The following WNT1 variants were observed in gnomAD, a reference collection of about 807,000 sequenced individuals.
The protein encoded by WNT1 is Wnt family member 1.
WNT1 carries 10 observed loss-of-function variants against 21.3 expected under a neutral mutation model. The observed-to-expected ratio is 0.47, with a 90% CI of 0.29 to 0.80. WNT1 has a LOEUF of 0.80. Ranked by LOEUF, WNT1 falls within the 30% of genes least tolerant of loss-of-function variation. The pLI is 0.09. For synonymous variants in WNT1, 208 were observed against 236.3 expected (o/e 0.88, Z 1.10); for missense variants, 476 against 534.1 (o/e 0.89, Z 1.07).
At position 48,982,617 on chromosome 12, in the gene WNT1, A is replaced by G. The variant is rs1242093715; in HGVS notation, c.*977A>G. Reference sequence around the variant, plus strand: ...CAGAATAAAATCTCTATTTTTATCGATGACTTGGTGGCTTTTCCTTGAATC... The same window carrying G: ...CAGAATAAAATCTCTATTTTTATCGGTGACTTGGTGGCTTTTCCTTGAATC... On this transcript the variant is annotated 3_prime_UTR_variant, in exon 4 of 4. Transcript: ENST00000293549. Among the ~76,000 whole-genome samples, 1 of 152,144 alleles carries G rather than the reference A, an allele frequency of 6.6e-6. No individual in the cohort carries two copies. Among genetic ancestry groups the G allele is most frequent in the East Asian group, 1.9e-4 (1 of 5,182 alleles).
rs750451481 is a variant in WNT1, at chr12:48,979,461, C to T, written c.105-7C>T. 6.3e-7 allele frequency: 1 copy of T among 1,597,822 alleles called. No homozygotes were observed. The highest frequency in any genetic ancestry group is 8.6e-7 in the Non-Finnish European group (1 of 1,167,834). Reference sequence around the variant, plus strand: ...TCCTGAGCCTGAGCTATCATACGTCCCACCAGGGGTATTGTGAACGTAGCC... The same window carrying T: ...TCCTGAGCCTGAGCTATCATACGTCTCACCAGGGGTATTGTGAACGTAGCC... On this transcript the variant is annotated splice_polypyrimidine_tract_variant and splice_region_variant and intron_variant, in intron 1 of 3. Transcript: ENST00000293549. The surrounding 1 kb of genome is among the most constrained non-coding windows in gnomAD (Gnocchi z 6.0).
Position 48,979,406 on chromosome 12 carries a change from C to G in WNT1, c.105-62C>G. 3 of 1,532,080 alleles carry G rather than the reference C, an allele frequency of 2.0e-6. No individual in the cohort carries two copies. The highest frequency in any genetic ancestry group is 2.5e-5 in the South Asian group (2 of 81,548). 94.9% of individuals were successfully genotyped at this position (1,532,080 alleles called of 1,614,324 possible). A position where few individuals can be genotyped will look rare whatever the true frequency, so the allele number is the denominator to read the frequency against. ...CCCCCAGGAAGAGGACCGGGTGGCA[C>G]AGTTTTTATGGTTAGGGTGCGGATC... On this transcript the variant is annotated intron_variant, in intron 1 of 3. Coordinates refer to ENST00000293549, the MANE Select transcript of WNT1 (RefSeq NM_005430.4). This position sits in a 1 kb window ranked among gnomAD's most constrained non-coding sequence, Gnocchi z 6.0.
At position 48,978,511 on chromosome 12, in the gene WNT1, C is replaced by A; in HGVS notation, c.-140C>A. 1.5e-6 allele frequency: 1 copy of A among 657,250 alleles called. No individual in the cohort carries two copies. Among genetic ancestry groups the A allele is most frequent in the Non-Finnish European group, 2.7e-6 (1 of 374,656 alleles). 40.7% of individuals were successfully genotyped at this position (657,250 alleles called of 1,614,324 possible). A position where few individuals can be genotyped will look rare whatever the true frequency, so the allele number is the denominator to read the frequency against. On this transcript the variant is annotated 5_prime_UTR_variant, in exon 1 of 4. Coordinates refer to ENST00000293549, the MANE Select transcript of WNT1 (RefSeq NM_005430.4). The surrounding 1 kb of genome is among the most constrained non-coding windows in gnomAD (Gnocchi z 7.4). ...CAGCCGGGACCGCGAGCCATGCTGT[C>A]CGCCGCCCGCCCCCAGGGTTGTTAA...
chr12:48,981,148 G>T lies in WNT1; in HGVS notation c.625-4G>T, dbSNP rs1399188514. On this transcript the variant is annotated splice_polypyrimidine_tract_variant and splice_region_variant and intron_variant, in intron 3 of 3. Transcript: ENST00000293549. The surrounding 1 kb of genome is among the most constrained non-coding windows in gnomAD (Gnocchi z 7.4). ...GGACACTCTTTCTTCCCCTATCCCC[G>T]CAGACCGTATTCTCCGAGATGCGCC... 6.2e-7 allele frequency: 1 copy of T among 1,610,900 alleles called. No individual in the cohort carries two copies.
Position 48,979,175 on chromosome 12 carries a change from G to T in WNT1, c.105-293G>T, listed in dbSNP as rs951395821. On this transcript the variant is annotated intron_variant, in intron 1 of 3. Transcript: ENST00000293549. This position sits in a 1 kb window ranked among gnomAD's most constrained non-coding sequence, Gnocchi z 6.0. ...AAGAACTGCAGGCCATGATTATCTC[G>T]CTCAGGCTGACCGGAAGAGGCTCGG... Among the ~76,000 whole-genome samples the T allele has an allele frequency of 2.2e-4, 34 of 152,300 alleles. No homozygotes were observed. The highest frequency in any genetic ancestry group is 7.9e-4 in the African/African-American group (33 of 41,564).
Position 48,980,685 on chromosome 12 carries a change from G to A in WNT1, c.620G>A (p.Arg207His), listed in dbSNP as rs776953968. 1.3e-6 allele frequency: 2 copies of A among 1,544,996 alleles called. No homozygotes were observed. Among genetic ancestry groups the A allele is most frequent in the East Asian group, 2.3e-5 (1 of 44,144 alleles). ...AACCTTCACAACAACGAGGCAGGCC[G>A]TACGGTGAGCTTTGAGAGGCTCCGC... The part of the protein sequence containing the change: ...LMNLHNNEAG[R>H]TTVFSEMRQE... Residue 207 changes from arginine to histidine, a missense_variant, in exon 3 of 4, where the codon CGT becomes CAT. Coordinates refer to ENST00000293549, the MANE Select transcript of WNT1 (RefSeq NM_005430.4). The surrounding 1 kb of genome is among the most constrained non-coding windows in gnomAD (Gnocchi z 7.0).
rs374180330 is a variant in WNT1, at chr12:48,978,797, G to A, written c.104+43G>A. 3 of 1,414,102 alleles carry A rather than the reference G, an allele frequency of 2.1e-6. No homozygotes were observed. Among genetic ancestry groups the A allele is most frequent in the Non-Finnish European group, 2.9e-6 (3 of 1,032,322 alleles). The allele number at this position is 1,414,102 out of a possible 1,614,324, so 87.6% of individuals were successfully genotyped here. ...GGGTCGCCACTTGTCCCGCGGCACAGAGCCAGGGGCCAACCCTACCCAGCT... is the reference window on the plus strand; with the variant it reads ...GGGTCGCCACTTGTCCCGCGGCACAAAGCCAGGGGCCAACCCTACCCAGCT... On this transcript the variant is annotated intron_variant, in intron 1 of 3. Coordinates refer to ENST00000293549, the MANE Select transcript of WNT1 (RefSeq NM_005430.4). The surrounding 1 kb of genome is among the most constrained non-coding windows in gnomAD (Gnocchi z 7.4).
At position 48,982,533 on chromosome 12, in the gene WNT1, T is replaced by A. The variant is rs1039723297; in HGVS notation, c.*893T>A. Among the ~76,000 whole-genome samples the A allele has an allele frequency of 5.3e-5, 8 of 152,148 alleles. No homozygotes were observed. On this transcript the variant is annotated 3_prime_UTR_variant, in exon 4 of 4. Coordinates refer to ENST00000293549, the MANE Select transcript of WNT1 (RefSeq NM_005430.4). The stretch of plus-strand genomic sequence containing the variant: ...TGCGTTTGCCTCCTGGAATCAGTAT[T>A]TCCTTCCACTGTAGCTATTAGCGGC...
In WNT1 at chr12:48,980,517, G is replaced by C; in HGVS notation, c.452G>C (p.Cys151Ser). ...TGCTCAGAAGGTTCCATCGAATCCTGCACGTGTGACTACCGGCGGCGCGGC... is the reference window on the plus strand; with the variant it reads ...TGCTCAGAAGGTTCCATCGAATCCTCCACGTGTGACTACCGGCGGCGCGGC... ...RSCSEGSIES[C>S]TCDYRRRGPG... The change falls in exon 3 of 4, where the codon TGC (cysteine) becomes TCC (serine). Residue 151 changes from cysteine (C) to serine (S), a missense_variant. By Grantham distance (112) the Cys-to-Ser change is moderately radical (BLOSUM62 -1). Transcript: ENST00000293549. This position sits in a 1 kb window ranked among gnomAD's most constrained non-coding sequence, Gnocchi z 7.0. The C allele has an allele frequency of 6.2e-7, 1 of 1,614,164 alleles. No homozygotes were observed.
chr12:48,978,795 C>T lies in WNT1; in HGVS notation c.104+41C>T. ...CGGGGTCGCCACTTGTCCCGCGGCA[C>T]AGAGCCAGGGGCCAACCCTACCCAG... On this transcript the variant is annotated intron_variant, in intron 1 of 3. Coordinates refer to ENST00000293549, the MANE Select transcript of WNT1 (RefSeq NM_005430.4). This position sits in a 1 kb window ranked among gnomAD's most constrained non-coding sequence, Gnocchi z 7.4. The T allele has an allele frequency of 1.4e-6, 2 of 1,436,936 alleles. No individual in the cohort carries two copies. The highest frequency in any genetic ancestry group is 1.9e-6 in the Non-Finnish European group (2 of 1,051,088). The allele number at this position is 1,436,936 out of a possible 1,614,324, so 89.0% of individuals were successfully genotyped here.
chr12:48,981,230 C>A lies in WNT1; in HGVS notation c.703C>A (p.Arg235=). The part of the protein sequence containing the change: ...GSCTVRTCWM[R]LPTLRAVGDV... ...ATGCACGGTGCGCACGTGCTGGATG[C>A]GGCTGCCCACGCTGCGCGCCGTGGG... Residue 235 remains arginine, a synonymous_variant, in exon 4 of 4, where the codon CGG becomes AGG. Transcript: ENST00000293549. The surrounding 1 kb of genome is among the most constrained non-coding windows in gnomAD (Gnocchi z 7.4). The A allele has an allele frequency of 1.9e-6, 3 of 1,610,290 alleles. No individual in the cohort carries two copies. Among genetic ancestry groups the A allele is most frequent in the Non-Finnish European group, 8.5e-7 (1 of 1,178,612 alleles).
Position 48,978,717 on chromosome 12 carries a change from C to A in WNT1, c.67C>A (p.Pro23Thr). Residue 23 changes from proline (P) to threonine (T), a missense_variant, in exon 1 of 4, where the codon CCC (proline) becomes ACC (threonine). Physicochemically the swap from Pro to Thr is conservative, Grantham distance 38 (BLOSUM62 -1). Transcript: ENST00000293549. The surrounding 1 kb of genome is among the most constrained non-coding windows in gnomAD (Gnocchi z 7.4). ...ATLLLALAALPAALAANSSGR... is the reference protein window; with the variant it reads ...ATLLLALAALTAALAANSSGR... Reference sequence around the variant, plus strand: ...GCTGCTGCTGGCGCTGGCCGCTCTGCCCGCAGCCCTGGCTGCCAACAGCAG... The same window carrying A: ...GCTGCTGCTGGCGCTGGCCGCTCTGACCGCAGCCCTGGCTGCCAACAGCAG... The A allele has an allele frequency of 6.2e-7, 1 of 1,603,750 alleles. No homozygotes were observed. The highest frequency in any genetic ancestry group is 8.5e-7 in the Non-Finnish European group (1 of 1,178,474).
Position 48,981,764 on chromosome 12 carries a change from T to C in WNT1, c.*124T>C. On this transcript the variant is annotated 3_prime_UTR_variant, in exon 4 of 4. Coordinates refer to ENST00000293549, the MANE Select transcript of WNT1 (RefSeq NM_005430.4). The surrounding 1 kb of genome is among the most constrained non-coding windows in gnomAD (Gnocchi z 7.4). ...CTCCAGTCACACTCCCCGCGGTTCA[T>C]ACGCATCCCATCTCTCCCACTTCCT... 3 of 1,292,768 alleles carry C rather than the reference T, an allele frequency of 2.3e-6. No individual in the cohort carries two copies. Among genetic ancestry groups the C allele is most frequent in the Non-Finnish European group, 3.0e-6 (3 of 988,934 alleles). 80.1% of individuals were successfully genotyped at this position (1,292,768 alleles called of 1,614,324 possible). A position where few individuals can be genotyped will look rare whatever the true frequency, so the allele number is the denominator to read the frequency against.
chr12:48,978,716 G>A lies in WNT1; in HGVS notation c.66G>A (p.Leu22=). Residue 22 remains leucine, a synonymous_variant, in exon 1 of 4, where the codon CTG becomes CTA. Coordinates refer to ENST00000293549, the MANE Select transcript of WNT1 (RefSeq NM_005430.4). This position sits in a 1 kb window ranked among gnomAD's most constrained non-coding sequence, Gnocchi z 7.4. ...CGCTGCTGCTGGCGCTGGCCGCTCTGCCCGCAGCCCTGGCTGCCAACAGCA... is the reference window on the plus strand; with the variant it reads ...CGCTGCTGCTGGCGCTGGCCGCTCTACCCGCAGCCCTGGCTGCCAACAGCA... The part of the protein sequence containing the change: ...SATLLLALAA[L]PAALAANSSG... 1 of 1,603,726 alleles carries A rather than the reference G, an allele frequency of 6.2e-7. No individual in the cohort carries two copies.
Position 48,980,465 on chromosome 12 carries a change from G to C in WNT1, c.400G>C (p.Gly134Arg). 6.2e-7 allele frequency: 1 copy of C among 1,614,208 alleles called. No homozygotes were observed. The highest frequency in any genetic ancestry group is 8.5e-7 in the Non-Finnish European group (1 of 1,180,030). Reference sequence around the variant, plus strand: ...GTTTATCTTCGCTATCACCTCCGCCGGGGTCACCCATTCGGTGGCGCGCTC... The same window carrying C: ...GTTTATCTTCGCTATCACCTCCGCCCGGGTCACCCATTCGGTGGCGCGCTC... ...TAFIFAITSA[G>R]VTHSVARSCS... The change falls in exon 3 of 4, where the codon GGG becomes CGG. Residue 134 changes from glycine to arginine, a missense_variant. Coordinates refer to ENST00000293549, the MANE Select transcript of WNT1 (RefSeq NM_005430.4). This position sits in a 1 kb window ranked among gnomAD's most constrained non-coding sequence, Gnocchi z 7.0.
In WNT1 at chr12:48,979,355, C is replaced by A; in HGVS notation, c.105-113C>A. 1 of 1,346,422 alleles carries A rather than the reference C, an allele frequency of 7.4e-7. No homozygotes were observed. Among genetic ancestry groups the A allele is most frequent in the African/African-American group, 1.5e-5 (1 of 68,646 alleles). The allele number at this position is 1,346,422 out of a possible 1,614,324, so 83.4% of individuals were successfully genotyped here. ...GCCTGGGAGAGCGGGTATTATTAAT[C>A]TCCCGCCATTCTCTCCAGCCACATA... On this transcript the variant is annotated intron_variant, in intron 1 of 3. Coordinates refer to ENST00000293549, the MANE Select transcript of WNT1 (RefSeq NM_005430.4). The surrounding 1 kb of genome is among the most constrained non-coding windows in gnomAD (Gnocchi z 6.0).
Position 48,980,672 on chromosome 12 carries a change from A to G in WNT1, c.607A>G (p.Asn203Asp), listed in dbSNP as rs1157269803. ...GCGCTTCCTCATGAACCTTCACAAC[A>G]ACGAGGCAGGCCGTACGGTGAGCTT... ...DLRFLMNLHN[N>D]EAGRTTVFSE... Residue 203 changes from asparagine (N) to aspartate (D), a missense_variant, in exon 3 of 4, where the codon AAC (asparagine) becomes GAC (aspartate). Physicochemically the swap from Asn to Asp is conservative, Grantham distance 23 (BLOSUM62 1). Transcript: ENST00000293549. This position sits in a 1 kb window ranked among gnomAD's most constrained non-coding sequence, Gnocchi z 7.0. 17 of 1,558,714 alleles carry G rather than the reference A, an allele frequency of 1.1e-5. No individual in the cohort carries two copies. Among genetic ancestry groups the G allele is most frequent in the Non-Finnish European group, 1.4e-5 (16 of 1,152,686 alleles).
rs576946036 is a variant in WNT1 at position 48,979,446 on chromosome 12, G to A, written c.105-22G>A. 1.3e-6 allele frequency: 2 copies of A among 1,584,378 alleles called. No individual in the cohort carries two copies. Among genetic ancestry groups the A allele is most frequent in the Admixed American group, 1.7e-5 (1 of 59,084 alleles). ...GGGTGCGGATCCCCTTCCTGAGCCTGAGCTATCATACGTCCCACCAGGGGT... is the reference window on the plus strand; with the variant it reads ...GGGTGCGGATCCCCTTCCTGAGCCTAAGCTATCATACGTCCCACCAGGGGT... On this transcript the variant is annotated intron_variant, in intron 1 of 3. Transcript: ENST00000293549. The surrounding 1 kb of genome is among the most constrained non-coding windows in gnomAD (Gnocchi z 6.0).
In WNT1 at chr12:48,981,964, C is replaced by G. The variant is rs1046242909; in HGVS notation, c.*324C>G. Among the ~76,000 whole-genome samples the G allele has an allele frequency of 1.3e-5, 2 of 152,176 alleles. No individual in the cohort carries two copies. Among genetic ancestry groups the G allele is most frequent in the African/African-American group, 4.8e-5 (2 of 41,450 alleles). On this transcript the variant is annotated 3_prime_UTR_variant, in exon 4 of 4. Transcript: ENST00000293549. The surrounding 1 kb of genome is among the most constrained non-coding windows in gnomAD (Gnocchi z 7.4). Reference sequence around the variant, plus strand: ...TGGGTCCCCTCCGCCATGGGGTCGGCTCCTGATGGTGTCATTCTGCCTGCT... The same window carrying G: ...TGGGTCCCCTCCGCCATGGGGTCGGGTCCTGATGGTGTCATTCTGCCTGCT...
Sources: allele counts gnomAD v4.1 joint callset (sites outside exome capture counted in the v4.1 genomes callset), GRCh38; gene constraint gnomAD v4.1.1; non-coding constraint Gnocchi (gnomAD v3.1); transcripts MANE v1.5; gene names NCBI Gene and HGNC (gene_info 2026-07-23, HGNC 2026-07-21).